TENM4: variants seen among roughly 807,000 people sequenced by gnomAD.
The protein encoded by TENM4 is teneurin-4.
TENM4 carries 82 observed loss-of-function variants against 243.3 expected under a neutral mutation model. That is an observed-to-expected ratio of 0.34 (90% CI 0.28 to 0.40). The LOEUF (loss-of-function observed/expected upper bound fraction) is 0.40. Among genes scored for constraint, TENM4 ranks in the 10% least tolerant of loss-of-function variants. The pLI, the probability that TENM4 is intolerant of heterozygous loss-of-function variation, is 1.00. For synonymous variants in TENM4, 1,412 were observed against 1,456.3 expected, an observed-to-expected ratio of 0.97 and a Z score of 0.69; for missense variants, 3,138 against 3,673.3, an observed-to-expected ratio of 0.85 and a Z score of 3.77.
chr11:79,355,353 T>C (rs975813427), intron 1 of TENM4, among the ~76,000 whole-genome samples: 1 of 152,074 alleles, frequency 6.6e-6, no homozygotes, highest in Non-Finnish European at 1.5e-5. Context: ...GCCAACATGG[T>C]AAAACCTCGT....
intron 4 of TENM4, among the ~76,000 whole-genome samples, chr11:79,135,739 C>CATCATATATACATATATGTATAT (rs945384442): frequency 7.4e-5 from 10 of 135,900 alleles, no homozygotes; most frequent in Admixed American, 1.5e-4. Context: ...ATGATATATA[C>CATCATATATACATATATGTATAT]ATCATATATA....
At chr11:78,712,851 T>A (rs1294815558) in intron 25 of TENM4, 137 bp from the exon 26 acceptor site, 2 of 817,814 alleles carry the variant, frequency 2.4e-6, no homozygotes, top group African/African-American at 3.5e-5. Flanking sequence ...TTTTGGGTGA[T>A]GGTTCCCCAA....
chr11:79,373,356 C>T (rs188360028), intron 1 of TENM4, among the ~76,000 whole-genome samples: 29 of 118,638 alleles, frequency 2.4e-4, no homozygotes, highest in East Asian at 9.7e-4. Flanking sequence ...ATGGATGGAT[C>T]GATAAATGAA....
intron 2 of TENM4, among the ~76,000 whole-genome samples, chr11:79,262,089 A>T (rs1855807995): frequency 6.6e-6 from 1 of 152,194 alleles, no homozygotes; most frequent in African/African-American, 2.4e-5. Context: ...CTGAAGTTTC[A>T]ATGGTGTGTG....
At chr11:78,994,303 T>C (rs1858118465) in intron 6 of TENM4, among the ~76,000 whole-genome samples, 1 of 152,146 alleles carries the variant, frequency 6.6e-6, no homozygotes, top group Non-Finnish European at 1.5e-5. Flanking sequence ...CCACATGAAG[T>C]TTTTCCTTGC....
rs753327231 is a variant in TENM4, at chr11:78,889,773, A to G, written c.1084+12T>C. 26 of 1,551,420 alleles carry G rather than the reference A, an allele frequency of 1.7e-5. No homozygotes were observed. The highest frequency in any genetic ancestry group is 2.2e-5 in the Non-Finnish European group (25 of 1,146,664). On this transcript the variant is annotated intron_variant, in intron 9 of 33. Transcript: ENST00000278550. The stretch of plus-strand genomic sequence containing the variant: ...AGAGGAGCAAGGGGAGCTGGGGTGA[A>G]GAGGTGCTTACCCACAAAGTATGCC...
intron 6 of TENM4, among the ~76,000 whole-genome samples, chr11:78,947,197 A>G (rs761253855): frequency 1.3e-5 from 2 of 152,254 alleles, no homozygotes; most frequent in Non-Finnish European, 2.9e-5. Flanking sequence ...GGTCTCACGT[A>G]CACAGTGACC....
intron 25 of TENM4, among the ~76,000 whole-genome samples, chr11:78,713,358 A>G (rs1859445274): frequency 2.0e-5 from 3 of 152,102 alleles, no homozygotes; most frequent in South Asian, 4.2e-4. Context: ...AAACCCAAGG[A>G]AAAAAAATAA....
At chr11:79,338,838 C>T (rs1590890843) in intron 1 of TENM4, among the ~76,000 whole-genome samples, 1 of 152,198 alleles carries the variant, frequency 6.6e-6, no homozygotes, top group South Asian at 2.1e-4. Flanking sequence ...GTTTCCTCAA[C>T]TGTGGAGGAG....
intron 1 of TENM4, among the ~76,000 whole-genome samples, chr11:79,319,147 G>A (rs1856847923): frequency 6.6e-6 from 1 of 152,192 alleles, no homozygotes; most frequent in Non-Finnish European, 1.5e-5. Flanking sequence ...GACAAATTAA[G>A]TAGCTAGCCT....
intron 3 of TENM4, among the ~76,000 whole-genome samples, chr11:79,190,260 T>A (rs1863453671): frequency 6.6e-6 from 1 of 152,200 alleles, no homozygotes; most frequent in Non-Finnish European, 1.5e-5. Context: ...ACCAGTTAAA[T>A]TGCCCTGGGC....
At chr11:78,949,038 A>C (rs1857064010) in intron 6 of TENM4, among the ~76,000 whole-genome samples, 1 of 152,114 alleles carries the variant, frequency 6.6e-6, no homozygotes, top group Non-Finnish European at 1.5e-5. Flanking sequence ...CCCCACTATA[A>C]AGTAACTCTT....
chr11:79,350,788 A>G (rs1857401974), intron 1 of TENM4, among the ~76,000 whole-genome samples: 1 of 151,766 alleles, frequency 6.6e-6, no homozygotes, highest in Non-Finnish European at 1.5e-5. Context: ...CCTGCTCCCA[A>G]CTACCACGCC....
intron 3 of TENM4, among the ~76,000 whole-genome samples, chr11:79,206,497 T>G (rs1244439861): frequency 1.6e-4 from 24 of 152,176 alleles, no homozygotes; most frequent in Admixed American, 1.6e-3. Context: ...CATGTACTTC[T>G]TACACTCTGA....
intron 22 of TENM4, among the ~76,000 whole-genome samples, chr11:78,726,770 C>T (rs1171056229): frequency 6.6e-6 from 1 of 152,022 alleles, no homozygotes; most frequent in Non-Finnish European, 1.5e-5. Context: ...CCCGCTTTGC[C>T]TCTGTCATGA....
At chr11:78,675,237 T>C (rs1375271094) in intron 30 of TENM4, among the ~76,000 whole-genome samples, 1 of 152,138 alleles carries the variant, frequency 6.6e-6, no homozygotes, top group Admixed American at 6.5e-5. Context: ...TGGATCTCGA[T>C]TGTCTCATGT....
chr11:79,111,207 T>A (rs1315581866), intron 4 of TENM4, among the ~76,000 whole-genome samples: 1 of 152,144 alleles, frequency 6.6e-6, no homozygotes, highest in Non-Finnish European at 1.5e-5. Flanking sequence ...CCTTCCACCA[T>A]AATTGTGAGG....
intron 15 of TENM4, 144 bp downstream of exon 15, chr11:78,805,148 G>A: frequency 1.0e-5 from 6 of 596,322 alleles, no homozygotes; most frequent in Non-Finnish European, 1.7e-5. Flanking sequence ...AGGTGTTGAA[G>A]GCTAGAGTTC....
At chr11:78,931,855 C>T (rs866254630) in intron 6 of TENM4, among the ~76,000 whole-genome samples, 5 of 152,112 alleles carry the variant, frequency 3.3e-5, no homozygotes, top group African/African-American at 9.7e-5. Flanking sequence ...AAACCAGCTG[C>T]GGTGGTACAT....
Sources: gnomAD v4.1 joint callset for allele counts (sites outside exome capture counted in the v4.1 genomes callset) on GRCh38, gnomAD v4.1.1 for gene constraint, MANE v1.5 for transcripts, NCBI Gene and HGNC (gene_info 2026-07-23, HGNC 2026-07-21) for gene names.